The following BBX variants were observed in gnomAD, a reference collection of about 807,000 sequenced individuals.
BBX encodes BBX high mobility group box domain containing, also known as HMG box transcription factor BBX.
A neutral mutation model predicts 100.2 loss-of-function variants in BBX; 30 were observed. That is an observed-to-expected ratio of 0.30 (90% confidence interval 0.22 to 0.41). The LOEUF is 0.41. Among genes scored for constraint, BBX ranks in the 10% least tolerant of loss-of-function variants. BBX has a pLI of 1.00. For missense variants in BBX, 1,023 were observed against 1,129.8 expected (o/e 0.91, Z 1.35); for synonymous variants, 376 against 388.1 (o/e 0.97, Z 0.37).
intron 3 of BBX, among the ~76,000 whole-genome samples, chr3:107,696,696 G>T (rs2060630123): frequency 6.6e-6 from 1 of 151,588 alleles, no homozygotes; most frequent in Non-Finnish European, 1.5e-5. Flanking sequence ...TCTTCTCGAG[G>T]AGTATCTTTG....
chr3:107,750,954 A>T (rs1378586014), intron 9 of BBX, among the ~76,000 whole-genome samples: 1 of 152,222 alleles, frequency 6.6e-6, no homozygotes, highest in African/African-American at 2.4e-5. Context: ...CTGTTTACAC[A>T]CAGATTGCTG....
At chr3:107,787,110 CT>C (rs1299792712) in intron 13 of BBX, among the ~76,000 whole-genome samples, 4 of 152,108 alleles carry the variant, frequency 2.6e-5, no homozygotes, top group Non-Finnish European at 5.9e-5. Context: ...ATTTCACATC[CT>C]TAGGATGGCC....
chr3:107,534,629 A>G (rs1161179088), intron 2 of BBX, among the ~76,000 whole-genome samples: 1 of 152,136 alleles, frequency 6.6e-6, no homozygotes, highest in East Asian at 1.9e-4. Flanking sequence ...GAGTTTAAAG[A>G]TCGATTTGTA....
chr3:107,689,603 G>A (rs1273605074), intron 3 of BBX, among the ~76,000 whole-genome samples: 4 of 152,148 alleles, frequency 2.6e-5, no homozygotes, highest in Admixed American at 6.5e-5. Flanking sequence ...AGTACATTGC[G>A]TCACAGACAT....
At chr3:107,622,069 C>A (rs1176110887) in intron 2 of BBX, among the ~76,000 whole-genome samples, 1 of 152,122 alleles carries the variant, frequency 6.6e-6, no homozygotes, top group Non-Finnish European at 1.5e-5. Flanking sequence ...TGAAAAAATT[C>A]TCTTATGTTT....
At chr3:107,651,145 G>A (rs1191305259) in intron 3 of BBX, among the ~76,000 whole-genome samples, 3 of 152,090 alleles carry the variant, frequency 2.0e-5, no homozygotes, top group Non-Finnish European at 4.4e-5. Context: ...AATTTGGAGC[G>A]GGACACAATT....
intron 3 of BBX, among the ~76,000 whole-genome samples, chr3:107,675,580 C>G (rs1358953675): frequency 6.6e-6 from 1 of 152,136 alleles, no homozygotes; most frequent in Non-Finnish European, 1.5e-5. Flanking sequence ...TCGTTTGTGT[C>G]TGATACACTT....
chr3:107,546,139 A>G (rs1176257838), intron 2 of BBX, among the ~76,000 whole-genome samples: 1 of 152,178 alleles, frequency 6.6e-6, no homozygotes, highest in Non-Finnish European at 1.5e-5. Context: ...GCTCGGACTC[A>G]TTAGATAACG....
At chr3:107,691,778 C>G (rs189702687) in intron 3 of BBX, among the ~76,000 whole-genome samples, 108 of 152,294 alleles carry the variant, frequency 7.1e-4, no homozygotes, top group Middle Eastern at 3.4e-3. Context: ...CCACACCTAC[C>G]TTTATGTAAT....
At chr3:107,732,270 T>A (rs2063364460) in intron 6 of BBX, among the ~76,000 whole-genome samples, 1 of 152,170 alleles carries the variant, frequency 6.6e-6, no homozygotes, top group South Asian at 2.1e-4. Flanking sequence ...ACTTTGCTGT[T>A]TTTATTTTCT....
intron 12 of BBX, among the ~76,000 whole-genome samples, chr3:107,776,042 G>A (rs1576753139): frequency 1.3e-5 from 2 of 152,086 alleles, no homozygotes; most frequent in African/African-American, 4.8e-5. Context: ...TCGTATTTCA[G>A]TGTCAAATCA....
rs1415943224 is a variant in BBX, at chr3:107,644,209, CTT to C, written c.-83-1626_-83-1625del. Among the ~76,000 whole-genome samples, 375 of 152,108 alleles carry C rather than the reference CTT, an allele frequency of 2.5e-3. 3 individuals carry two copies. Among genetic ancestry groups the C allele is most frequent in the African/African-American group, 8.6e-3 (357 of 41,498 alleles). Reference sequence around the variant, plus strand: ...ATCTTTGAGCTCCTGAAAGAACTTACTTACGTATATAGGGATGTATAGGGTAT... The same window carrying C: ...ATCTTTGAGCTCCTGAAAGAACTTACACGTATATAGGGATGTATAGGGTAT... On this transcript the variant is annotated intron_variant, in intron 2 of 17. Coordinates refer to ENST00000325805, the MANE Select transcript of BBX (RefSeq NM_001142568.3).
At chr3:107,683,865 A>T (rs1199833744) in intron 3 of BBX, among the ~76,000 whole-genome samples, 1 of 152,172 alleles carries the variant, frequency 6.6e-6, no homozygotes, top group Non-Finnish European at 1.5e-5. Flanking sequence ...ACATGTGTTA[A>T]CCTTAAAAGC....
rs1559679404 is a variant in BBX at position 107,773,850 on chromosome 3, G to C, written c.1915+214G>C. On this transcript the variant is annotated intron_variant, in intron 11 of 17. Transcript: ENST00000325805. This position sits in a 1 kb window ranked among gnomAD's most constrained non-coding sequence, Gnocchi z 4.1. ...GGGAAGTGTATTCATTTTGTAGGTA[G>C]TTCTCAGGATGTAATTAAAGTAATT... Among the ~76,000 whole-genome samples the C allele has an allele frequency of 6.6e-6, 1 of 152,154 alleles. No individual in the cohort carries two copies. Among genetic ancestry groups the C allele is most frequent in the Non-Finnish European group, 1.5e-5 (1 of 68,018 alleles).
Position 107,728,831 on chromosome 3 carries a change from A to G in BBX, c.472A>G (p.Lys158Glu). The G allele has an allele frequency of 6.2e-7, 1 of 1,613,926 alleles. No individual in the cohort carries two copies. The highest frequency in any genetic ancestry group is 8.5e-7 in the Non-Finnish European group (1 of 1,179,866). The change falls in exon 6 of 18, where the codon AAA (lysine) becomes GAA (glutamate). Residue 158 changes from lysine to glutamate, a missense_variant. By Grantham distance (56) the Lys-to-Glu change is moderately conservative (BLOSUM62 1). Around this residue, in one of 9 missense-constraint regions of BBX, gnomAD observed 229 missense variants for 226.3 expected, o/e 1.01. Transcript: ENST00000325805. ...KWCPTTNKPV[K>E]SPTPTVNPRK... ...GTGTCCTACCACAAACAAGCCTGTG[A>G]AATCCCCAACACCCACTGTCAATCC...
chr3:107,693,805 C>T (rs1331516201), intron 3 of BBX, among the ~76,000 whole-genome samples: 5 of 150,748 alleles, frequency 3.3e-5, no homozygotes, highest in African/African-American at 4.9e-5. Flanking sequence ...GCCATTTTCA[C>T]GATATTGATT....
At chr3:107,752,858 C>T (rs1416134928) in intron 9 of BBX, among the ~76,000 whole-genome samples, 5 of 152,200 alleles carry the variant, frequency 3.3e-5, no homozygotes, top group Non-Finnish European at 7.3e-5. Flanking sequence ...ACACTTCCCT[C>T]CATAGCTGAC....
chr3:107,651,005 G>T (rs999336771), intron 3 of BBX, among the ~76,000 whole-genome samples: 2 of 152,122 alleles, frequency 1.3e-5, no homozygotes, highest in Non-Finnish European at 2.9e-5. Context: ...GAGCTCTAGT[G>T]TCTCTTCCTC....
intron 2 of BBX, among the ~76,000 whole-genome samples, chr3:107,571,461 G>T (rs1199690937): frequency 1.3e-5 from 2 of 152,102 alleles, no homozygotes; most frequent in Non-Finnish European, 2.9e-5. Flanking sequence ...TCTACTAGAG[G>T]GGAGAAAGAA....
Sources: gnomAD v4.1 joint callset for allele counts (sites outside exome capture counted in the v4.1 genomes callset) on GRCh38, gnomAD v4.1.1 for gene constraint, gnomAD v4.1.1 regional missense constraint, Gnocchi (gnomAD v3.1) non-coding constraint, MANE v1.5 for transcripts, NCBI Gene and HGNC (gene_info 2026-07-23, HGNC 2026-07-21) for gene names.